Variants in SLIT2 observed in about 807,000 individuals in gnomAD.
SLIT2 encodes slit homolog 2 protein.
SLIT2 carries 41 observed loss-of-function variants against 185.7 expected under a neutral mutation model. That is an observed-to-expected ratio of 0.22 (90% CI 0.17 to 0.29). The LOEUF (loss-of-function observed/expected upper bound fraction) is 0.29, where lower values mean the gene tolerates loss of function less well. Ranked by LOEUF, SLIT2 falls within the 10% of genes least tolerant of loss-of-function variation. The pLI is 1.00. For synonymous variants in SLIT2, 693 were observed against 680.2 expected, an observed-to-expected ratio of 1.02 and a Z score of -0.29; for missense variants, 1,571 against 1,909.0, an observed-to-expected ratio of 0.82 and a Z score of 3.30.
At chr4:20,395,528 A>T (rs551202937) in intron 4 of SLIT2, among the ~76,000 whole-genome samples, 1 of 152,136 alleles carries the variant, frequency 6.6e-6, no homozygotes, top group East Asian at 1.9e-4. Flanking sequence ...AGAGTGTTCC[A>T]GCAACAGTAT....
At chr4:20,397,161 A>G (rs2109386956) in intron 4 of SLIT2, among the ~76,000 whole-genome samples, 1 of 151,856 alleles carries the variant, frequency 6.6e-6, no homozygotes, top group African/African-American at 2.4e-5. Context: ...GGGAGCCCCC[A>G]GAGTATCACA....
chr4:20,454,956 TA>T (rs60314105), intron 4 of SLIT2, among the ~76,000 whole-genome samples: 3,510 of 149,792 alleles, frequency 0.023, 87 homozygotes, highest in East Asian at 0.082. Context: ...CATGCCAATT[TA>T]AAAAAAAAAT....
At chr4:20,372,772 A>C (rs943527635) in intron 4 of SLIT2, among the ~76,000 whole-genome samples, 4 of 152,122 alleles carry the variant, frequency 2.6e-5, no homozygotes. Context: ...CAAAATTGAA[A>C]GCAAGTGTAT....
chr4:20,498,734 G>T (rs1718449249), intron 9 of SLIT2, among the ~76,000 whole-genome samples: 2 of 152,256 alleles, frequency 1.3e-5, no homozygotes, highest in African/African-American at 4.8e-5. Context: ...CATGTTGCTG[G>T]AGAGGACATG....
intron 9 of SLIT2, among the ~76,000 whole-genome samples, chr4:20,509,539 C>A (rs754609211): frequency 3.3e-5 from 5 of 152,136 alleles, no homozygotes; most frequent in Non-Finnish European, 7.3e-5. Flanking sequence ...TGGCAAATCT[C>A]ACAGTAGCCT....
intron 33 of SLIT2, among the ~76,000 whole-genome samples, chr4:20,608,756 A>AT (rs1333327761): frequency 6.6e-6 from 1 of 152,148 alleles, no homozygotes; most frequent in African/African-American, 2.4e-5. Context: ...ATGTTAATGC[A>AT]TTTTTCTATC....
intron 16 of SLIT2, among the ~76,000 whole-genome samples, chr4:20,529,936 G>T (rs572338336): frequency 6.6e-6 from 1 of 152,166 alleles, no homozygotes; most frequent in East Asian, 1.9e-4. Flanking sequence ...TCTTTAACTA[G>T]ATTATAGCTC....
intron 4 of SLIT2, among the ~76,000 whole-genome samples, chr4:20,327,315 C>G (rs77746906): frequency 4.0e-5 from 6 of 151,898 alleles, no homozygotes; most frequent in African/African-American, 1.4e-4. Flanking sequence ...TTACTTTCCA[C>G]GAAGCTAATT....
intron 4 of SLIT2, among the ~76,000 whole-genome samples, chr4:20,420,836 G>C (rs1413338761): frequency 6.6e-6 from 1 of 152,072 alleles, no homozygotes; most frequent in Non-Finnish European, 1.5e-5. Flanking sequence ...TATAAGAGGA[G>C]ACACCAGAGA....
intron 4 of SLIT2, among the ~76,000 whole-genome samples, chr4:20,346,576 G>A (rs1252538514): frequency 1.3e-5 from 2 of 152,120 alleles, no homozygotes; most frequent in Non-Finnish European, 2.9e-5. Context: ...TATATGAAAG[G>A]GAGTTTATTA....
chr4:20,378,018 A>G (rs1489295039), intron 4 of SLIT2, among the ~76,000 whole-genome samples: 2 of 152,174 alleles, frequency 1.3e-5, no homozygotes, highest in Non-Finnish European at 2.9e-5. Context: ...ATAAGTCCCT[A>G]CACCCAGCGT....
intron 5 of SLIT2, among the ~76,000 whole-genome samples, chr4:20,480,012 C>T (rs1019631343): frequency 2.0e-5 from 3 of 151,972 alleles, no homozygotes; most frequent in African/African-American, 7.2e-5. Context: ...TTCTGGAGAG[C>T]GATATAATTC....
intron 29 of SLIT2, 62 bp downstream of exon 29, chr4:20,569,066 A>G (rs768169942): frequency 1.5e-6 from 2 of 1,342,742 alleles, no homozygotes; most frequent in Admixed American, 1.7e-5. Context: ...CATCATTGGA[A>G]CTATGTTATA....
chr4:20,502,525 T>C (rs1456304024), intron 9 of SLIT2, among the ~76,000 whole-genome samples: 1 of 152,164 alleles, frequency 6.6e-6, no homozygotes, highest in African/African-American at 2.4e-5. Flanking sequence ...TAGTAAAATA[T>C]GTGTGCACAA....
At chr4:20,537,270 A>G (rs1310844033) in intron 18 of SLIT2, among the ~76,000 whole-genome samples, 1 of 152,172 alleles carries the variant, frequency 6.6e-6, no homozygotes, top group Non-Finnish European at 1.5e-5. Context: ...CACCACAAAC[A>G]TGAGTAGTGT....
chr4:20,533,935 AC>A (rs1315906606), intron 18 of SLIT2, among the ~76,000 whole-genome samples: 1 of 410 alleles, frequency 2.4e-3, no homozygotes, highest in Non-Finnish European at 5.2e-3. Flanking sequence ...GATGTGTGTT[AC>A]ACACACACAC....
chr4:20,533,733 C>A lies in SLIT2; in HGVS notation c.1832+18C>A. 1 of 1,599,616 alleles carries A rather than the reference C, an allele frequency of 6.3e-7. No homozygotes were observed. The highest frequency in any genetic ancestry group is 1.1e-5 in the South Asian group (1 of 88,272). On this transcript the variant is annotated intron_variant, in intron 18 of 36. Coordinates refer to ENST00000504154, the MANE Select transcript of SLIT2 (RefSeq NM_004787.4). ...AAAACTTTGTAAGTATTTGTACTTG[C>A]ATTGCAGTTCTTCTACCAAAGGATT...
chr4:20,488,097 G>T (rs1016419906), intron 7 of SLIT2, among the ~76,000 whole-genome samples: 2 of 152,154 alleles, frequency 1.3e-5, no homozygotes, highest in African/African-American at 4.8e-5. Flanking sequence ...TATTAATGGA[G>T]AAGTGCTATT....
chr4:20,591,447 C>A (rs889742850), intron 30 of SLIT2, among the ~76,000 whole-genome samples: 2 of 151,828 alleles, frequency 1.3e-5, no homozygotes, highest in East Asian at 3.9e-4. Flanking sequence ...GTTTAAAATC[C>A]AAAAATGTAG....
Sources: gnomAD v4.1 joint callset for allele counts (sites outside exome capture counted in the v4.1 genomes callset) on GRCh38, gnomAD v4.1.1 for gene constraint, MANE v1.5 for transcripts, NCBI Gene and HGNC (gene_info 2026-07-23, HGNC 2026-07-21) for gene names.